The following PTPN22 variants were observed in gnomAD, a reference collection of about 807,000 sequenced individuals.
PTPN22 encodes protein tyrosine phosphatase non-receptor type 22, also known as tyrosine-protein phosphatase non-receptor type 22.
Under a neutral mutation model 103.3 loss-of-function variants are expected in PTPN22, and 85 were observed. The ratio of observed to expected loss-of-function variants is 0.82; its 90% confidence interval spans 0.69 to 0.99. The LOEUF is 0.99. Among genes scored for constraint, PTPN22 ranks in the 50% least tolerant of loss-of-function variants. PTPN22 has a pLI of 0.00. For synonymous variants in PTPN22, 323 were observed against 310.2 expected (o/e 1.04, Z -0.43); for missense variants, 865 against 936.9 (o/e 0.92, Z 1.00).
chr1:113,859,370 A>T, exon 2 of PTPN22: 2 of 1,612,078 alleles, frequency 1.2e-6, no homozygotes, highest in Non-Finnish European at 1.7e-6. Flanking sequence ...ATATCCTTAT[A>T]TCTGTTTTTC....
chr1:113,871,399 CTT>C, intron 1 of PTPN22, 136 bp downstream of exon 1: 1 of 596,318 alleles, frequency 1.7e-6, no homozygotes, highest in Admixed American at 3.0e-5. Flanking sequence ...AGAAGTCAAA[CTT>C]TTTTTTTTCT....
intron 3 of PTPN22, 65 bp from the exon 4 acceptor site, chr1:113,858,638 G>T: frequency 1.0e-6 from 1 of 1,002,792 alleles, no homozygotes; most frequent in Non-Finnish European, 1.4e-6. Context: ...CTAGTCCTCC[G>T]CTTCCTTTTT....
chr1:113,849,467 G>C (rs1334432024), intron 10 of PTPN22, among the ~76,000 whole-genome samples: 4 of 152,094 alleles, frequency 2.6e-5, no homozygotes, highest in African/African-American at 9.7e-5. Context: ...GGTTTTCCCT[G>C]ACACTTTACA....
chr1:113,850,020 C>T (rs1391479013), intron 10 of PTPN22, among the ~76,000 whole-genome samples: 3 of 151,846 alleles, frequency 2.0e-5, no homozygotes, highest in Admixed American at 6.6e-5. Flanking sequence ...ATGGTGAAAC[C>T]CCATCTCCAC....
At chr1:113,850,363 C>T (rs1019477515) in intron 10 of PTPN22, among the ~76,000 whole-genome samples, 1 of 152,206 alleles carries the variant, frequency 6.6e-6, no homozygotes, top group Non-Finnish European at 1.5e-5. Context: ...GAAAAAACAG[C>T]TACAACTGTC....
At chr1:113,854,741 G>C (rs1444573433) in intron 8 of PTPN22, among the ~76,000 whole-genome samples, 166 bp downstream of exon 8, 1 of 152,172 alleles carries the variant, frequency 6.6e-6, no homozygotes, top group Admixed American at 6.5e-5. Context: ...CTCTAGAACT[G>C]TACTACTCAC....
At chr1:113,839,923 A>G (rs1346246510) in intron 11 of PTPN22, among the ~76,000 whole-genome samples, 6 of 151,922 alleles carry the variant, frequency 3.9e-5, no homozygotes, top group East Asian at 1.9e-4. Context: ...TTCAAATTGG[A>G]AAAAAAGGCT....
exon 13 of PTPN22, chr1:113,837,871 C>G (rs202143877): frequency 1.9e-6 from 3 of 1,614,078 alleles, no homozygotes; most frequent in Non-Finnish European, 1.7e-6. Flanking sequence ...AGAGGCATTA[C>G]GTATTTGGTG....
At chr1:113,849,721 C>A (rs887303444) in intron 10 of PTPN22, among the ~76,000 whole-genome samples, 1 of 151,588 alleles carries the variant, frequency 6.6e-6, no homozygotes, top group Non-Finnish European at 1.5e-5. Flanking sequence ...CCAAGTAAGT[C>A]GGGACTGCAG....
chr1:113,824,134 C>A (rs1037125938), intron 19 of PTPN22, among the ~76,000 whole-genome samples: 1 of 150,350 alleles, frequency 6.7e-6, no homozygotes, highest in Non-Finnish European at 1.5e-5. Context: ...CGGAGTCTCG[C>A]TCTGTTGCCC....
At chr1:113,818,910 G>A (rs1661368485) in intron 20 of PTPN22, among the ~76,000 whole-genome samples, 1 of 151,666 alleles carries the variant, frequency 6.6e-6, no homozygotes. Flanking sequence ...ACCATTAAGT[G>A]GCAGTTCTCA....
chr1:113,852,607 A>G (rs1230708999), intron 9 of PTPN22, among the ~76,000 whole-genome samples: 1 of 152,210 alleles, frequency 6.6e-6, no homozygotes, highest in East Asian at 1.9e-4. Flanking sequence ...ATCATGCATC[A>G]CAATCACCTG....
At chr1:113,814,087 A>G (rs1368327947) in exon 21 of PTPN22, 2 of 152,266 alleles carry the variant, frequency 1.3e-5, no homozygotes, top group Middle Eastern at 3.2e-3. Flanking sequence ...GTTGAACTAG[A>G]TTTTCTTATG....
Position 113,831,521 on chromosome 1 carries a change from T to C in PTPN22, c.2054-1492A>G, listed in dbSNP as rs181233884. 1.4e-4 allele frequency among the ~76,000 whole-genome samples: 22 copies of C among 152,250 alleles called. No homozygotes were observed. The East Asian group carries it at 4.0e-3, about 28-fold the overall frequency. On this transcript the variant is annotated intron_variant, in intron 16 of 20. Coordinates refer to ENST00000359785, the Ensembl canonical transcript of PTPN22. ...TCAGAATCTTGCCCCACATCTTATT[T>C]ACCCAAATTTATTTTCTGTATTTCA...
chr1:113,835,772 G>T (rs944354373), intron 13 of PTPN22, among the ~76,000 whole-genome samples: 1 of 152,020 alleles, frequency 6.6e-6, no homozygotes, highest in Non-Finnish European at 1.5e-5. Flanking sequence ...AAGAATATGG[G>T]TATTTTTCCA....
chr1:113,837,326 T>C (rs1663098471), intron 13 of PTPN22, among the ~76,000 whole-genome samples: 1 of 151,848 alleles, frequency 6.6e-6, no homozygotes, highest in African/African-American at 2.4e-5. Flanking sequence ...GGCGCGCGCC[T>C]GTAATCCCAG....
At chr1:113,839,178 C>G (rs1663292151) in intron 11 of PTPN22, among the ~76,000 whole-genome samples, 1 of 152,170 alleles carries the variant, frequency 6.6e-6, no homozygotes, top group African/African-American at 2.4e-5. Context: ...TAACTGTCAT[C>G]TGCATAAGGA....
chr1:113,853,072 G>T (rs562331510), intron 9 of PTPN22, among the ~76,000 whole-genome samples: 1 of 152,236 alleles, frequency 6.6e-6, no homozygotes, highest in South Asian at 2.1e-4. Context: ...CTGAGTAGCT[G>T]GGATAACAGG....
intron 9 of PTPN22, 100 bp from the exon 10 acceptor site, chr1:113,852,204 C>T: frequency 1.2e-6 from 1 of 826,460 alleles, no homozygotes; most frequent in South Asian, 1.7e-5. Context: ...GCTCTTCTAA[C>T]ATGGGGTAAT....
Sources: allele counts gnomAD v4.1 joint callset (sites outside exome capture counted in the v4.1 genomes callset), GRCh38; gene constraint gnomAD v4.1.1; transcripts MANE v1.5; gene names NCBI Gene and HGNC (gene_info 2026-07-23, HGNC 2026-07-21).